Variants in NPAS3 observed in about 807,000 individuals in gnomAD.
NPAS3 encodes the protein neuronal PAS domain protein 3.
NPAS3 carries 14 observed loss-of-function variants against 73.1 expected under a neutral mutation model. That is an observed-to-expected ratio of 0.19 (90% CI 0.13 to 0.30). NPAS3 has a LOEUF of 0.30. NPAS3 is among the 10% of genes least tolerant of loss of function. The pLI, the probability that NPAS3 is intolerant of heterozygous loss-of-function variation, is 1.00. For synonymous variants in NPAS3, 620 were observed against 541.5 expected (o/e 1.14, Z -2.01); for missense variants, 1,096 against 1,250.0 (o/e 0.88, Z 1.86).
intron 1 of NPAS3, among the ~76,000 whole-genome samples, chr14:32,958,014 A>G (rs1414798722): frequency 6.6e-6 from 1 of 152,194 alleles, no homozygotes; most frequent in Non-Finnish European, 1.5e-5. Flanking sequence ...TAGCTTTTAC[A>G]TTATAACCAC....
chr14:32,995,491 C>T (rs936827775), intron 1 of NPAS3, among the ~76,000 whole-genome samples: 3 of 152,222 alleles, frequency 2.0e-5, no homozygotes, highest in Non-Finnish European at 2.9e-5. Flanking sequence ...AAAGCTTCCA[C>T]TGGTGGAAAT....
intron 1 of NPAS3, among the ~76,000 whole-genome samples, chr14:32,965,775 G>A (rs970652292): frequency 2.0e-5 from 3 of 152,158 alleles, no homozygotes; most frequent in Non-Finnish European, 4.4e-5. Flanking sequence ...GATTGTTCTT[G>A]TTTGCAGATG....
At chr14:33,784,745 A>ATTT (rs1226491375) in intron 9 of NPAS3, among the ~76,000 whole-genome samples, 4 of 73,832 alleles carry the variant, frequency 5.4e-5, no homozygotes, top group East Asian at 4.6e-4. Flanking sequence ...TTATTTATTT[A>ATTT]TTTTTTTTTT....
At chr14:33,699,257 CATTA>C (rs765328610) in intron 6 of NPAS3, among the ~76,000 whole-genome samples, 19 of 151,864 alleles carry the variant, frequency 1.3e-4, no homozygotes, top group Non-Finnish European at 2.4e-4. Context: ...AAATAAATAT[CATTA>C]ATTAAAACCA....
At chr14:33,784,745 A>ATTTATTTTTTTTATTTTTTTTTT (rs1471526546) in intron 9 of NPAS3, among the ~76,000 whole-genome samples, 1 of 73,840 alleles carries the variant, frequency 1.4e-5, no homozygotes, top group African/African-American at 6.3e-5. Flanking sequence ...TTATTTATTT[A>ATTTATTTTTTTTATTTTTTTTTT]TTTTTTTTTT....
At chr14:33,125,839 G>A (rs548307319) in intron 2 of NPAS3, among the ~76,000 whole-genome samples, 1 of 152,300 alleles carries the variant, frequency 6.6e-6, no homozygotes, top group East Asian at 1.9e-4. Context: ...AAATAGTAAT[G>A]TTTTAGATAG....
chr14:33,564,661 C>T (rs907209218), intron 5 of NPAS3, among the ~76,000 whole-genome samples: 2 of 152,336 alleles, frequency 1.3e-5, no homozygotes, highest in South Asian at 2.1e-4. Context: ...TTCACATTAT[C>T]GTTGCCAGAG....
intron 4 of NPAS3, among the ~76,000 whole-genome samples, chr14:33,427,247 A>C (rs766347606): frequency 1.3e-5 from 2 of 152,002 alleles, no homozygotes; most frequent in Non-Finnish European, 2.9e-5. Context: ...ATATGCATGC[A>C]AAGTAGCCAC....
intron 5 of NPAS3, among the ~76,000 whole-genome samples, chr14:33,594,621 C>G (rs897623710): frequency 6.6e-6 from 1 of 152,138 alleles, no homozygotes; most frequent in African/African-American, 2.4e-5. Flanking sequence ...CAGCCTCCTG[C>G]TGGCCCAGGA....
At chr14:32,936,568 T>G (rs541014196), upstream of NPAS3, among the ~76,000 whole-genome samples, 3 of 152,130 alleles carry the variant, frequency 2.0e-5, no homozygotes, top group African/African-American at 7.2e-5. Flanking sequence ...AACTAGGAAG[T>G]GCAGGCAATG....
Position 32,996,726 on chromosome 14 carries a change from G to A in NPAS3, c.50+57360G>A, listed in dbSNP as rs992260395. Among the ~76,000 whole-genome samples, 6 of 152,334 alleles carry A rather than the reference G, an allele frequency of 3.9e-5. No individual in the cohort carries two copies. The East Asian group carries it at 7.7e-4, about 20-fold the overall frequency. ...TTTGGGAATCTCCATCTAGATTTCA[G>A]AGGATATATGGAAATGCCTTGAAGT... On this transcript the variant is annotated intron_variant, in intron 1 of 11. Coordinates refer to ENST00000356141, the Ensembl canonical transcript of NPAS3.
chr14:33,535,425 G>A (rs1270663847), intron 4 of NPAS3, among the ~76,000 whole-genome samples: 1 of 152,178 alleles, frequency 6.6e-6, no homozygotes, highest in East Asian at 1.9e-4. Context: ...TTTTGGTTGA[G>A]TAACTTCTAC....
chr14:33,450,251 A>G (rs1399814657), intron 4 of NPAS3, among the ~76,000 whole-genome samples: 1 of 152,210 alleles, frequency 6.6e-6, no homozygotes. Context: ...TCGGTTCTAC[A>G]GCAAAACTGA....
intron 1 of NPAS3, among the ~76,000 whole-genome samples, chr14:32,971,470 G>A (rs527764141): frequency 2.0e-5 from 3 of 152,260 alleles, no homozygotes; most frequent in African/African-American, 7.2e-5. Context: ...AAATGGATAA[G>A]CTTTGAAAAG....
intron 3 of NPAS3, among the ~76,000 whole-genome samples, chr14:33,255,139 A>G (rs2048731000): frequency 6.6e-6 from 1 of 152,180 alleles, no homozygotes; most frequent in Non-Finnish European, 1.5e-5. Context: ...CAACCCTAGC[A>G]TGTGATGGCT....
chr14:33,668,076 G>A (rs943189062), intron 5 of NPAS3, among the ~76,000 whole-genome samples: 2 of 152,172 alleles, frequency 1.3e-5, no homozygotes, highest in African/African-American at 4.8e-5. Context: ...AAACACAGCT[G>A]CAATAGCATT....
chr14:33,319,635 A>C (rs2043351992), intron 3 of NPAS3, among the ~76,000 whole-genome samples: 2 of 151,268 alleles, frequency 1.3e-5, no homozygotes, highest in African/African-American at 2.4e-5. Flanking sequence ...CCGAGGCTCT[A>C]TGGGGTTGGA....
chr14:33,602,822 C>A (rs189341345), intron 5 of NPAS3, among the ~76,000 whole-genome samples: 8 of 152,230 alleles, frequency 5.3e-5, no homozygotes, highest in African/African-American at 1.9e-4. Flanking sequence ...GAATAATTAG[C>A]CCTGGTCTGA....
chr14:33,169,594 G>A (rs2139368622), intron 2 of NPAS3, among the ~76,000 whole-genome samples: 1 of 152,278 alleles, frequency 6.6e-6, no homozygotes, highest in Non-Finnish European at 1.5e-5. Flanking sequence ...AAATTTGAGA[G>A]TGAATAAAGT....
Sources: gnomAD v4.1 joint callset for allele counts (sites outside exome capture counted in the v4.1 genomes callset) on GRCh38, gnomAD v4.1.1 for gene constraint, MANE v1.5 for transcripts, NCBI Gene and HGNC (gene_info 2026-07-23, HGNC 2026-07-21) for gene names.